The following FIP1L1 variants were observed in gnomAD, a reference collection of about 807,000 sequenced individuals.
FIP1L1 encodes the protein pre-mRNA 3'-end-processing factor FIP1.
In FIP1L1, 21 loss-of-function variants were observed where a neutral mutation model predicts 84.6. That is an observed-to-expected ratio of 0.25 (90% CI 0.18 to 0.36). The LOEUF (loss-of-function observed/expected upper bound fraction) is 0.36, where lower values mean the gene tolerates loss of function less well. FIP1L1 is among the 10% of genes least tolerant of loss of function. The pLI is 1.00. For missense variants in FIP1L1, 526 were observed against 751.1 expected, an observed-to-expected ratio of 0.70 and a Z score of 3.50; for synonymous variants, 263 against 242.3, an observed-to-expected ratio of 1.09 and a Z score of -0.80.
Position 53,451,610 on chromosome 4 carries a change from A to G in FIP1L1, c.1286-1310A>G, listed in dbSNP as rs6819815. 8.7e-3 allele frequency among the ~76,000 whole-genome samples: 1,090 copies of G among 125,302 alleles called. 13 individuals carry two copies. Among genetic ancestry groups the G allele is most frequent in the African/African-American group, 0.031 (1,033 of 33,516 alleles). 82.2% of individuals were successfully genotyped at this position (125,302 alleles called of 152,430 possible). On this transcript the variant is annotated intron_variant, in intron 15 of 17. Transcript: ENST00000337488. ...TTTTTAGTGGTTACTCTTGAAATTT[A>G]TTATTCATACTTAACAATGTGTAGT... is the stretch of plus-strand genomic sequence containing the variant.
chr4:53,420,733 A>G (rs1340257786), intron 11 of FIP1L1, among the ~76,000 whole-genome samples: 1 of 152,198 alleles, frequency 6.6e-6, no homozygotes, highest in Non-Finnish European at 1.5e-5. Context: ...TAGAAACAGT[A>G]CCATTTCAGA....
intron 16 of FIP1L1, 141 bp downstream of exon 16, chr4:53,453,274 A>T: frequency 1.1e-6 from 1 of 881,550 alleles, no homozygotes; most frequent in Non-Finnish European, 1.7e-6. Context: ...AAAATGATAA[A>T]GGATTAGAGG....
chr4:53,443,968 T>A (rs1292298513), intron 14 of FIP1L1, 80 bp from the exon 15 acceptor site: 1 of 904,888 alleles, frequency 1.1e-6, no homozygotes, highest in African/African-American at 1.7e-5. Context: ...AATTTTGCCT[T>A]GTTTTTCCTT....
intron 10 of FIP1L1, among the ~76,000 whole-genome samples, chr4:53,408,995 C>T (rs563888442): frequency 1.4e-4 from 21 of 152,344 alleles, no homozygotes; most frequent in Non-Finnish European, 2.6e-4. Flanking sequence ...TCTCTCAACT[C>T]GTCAAAGGCA....
chr4:53,459,180 A>T (rs1326632623), intron 17 of FIP1L1, 122 bp from the exon 18 acceptor site: 2 of 709,908 alleles, frequency 2.8e-6, no homozygotes, highest in Non-Finnish European at 4.7e-6. Context: ...TATTTATGAG[A>T]AAATGCATTA....
chr4:53,388,509 T>A (rs1742369244), intron 5 of FIP1L1, among the ~76,000 whole-genome samples: 1 of 152,132 alleles, frequency 6.6e-6, no homozygotes, highest in Admixed American at 6.5e-5. Context: ...TAGTTTTTTC[T>A]ATTTTTTAGT....
At chr4:53,421,874 G>A (rs575355829) in intron 11 of FIP1L1, among the ~76,000 whole-genome samples, 62 of 152,212 alleles carry the variant, frequency 4.1e-4, no homozygotes, top group Admixed American at 3.7e-3. Context: ...AATCAGGGAC[G>A]TCCTGATTCT....
At position 53,459,692 on chromosome 4, in the gene FIP1L1, A is replaced by AGTC; in HGVS notation, c.*244_*246dup. The AGTC allele has an allele frequency of 1.9e-6, 1 of 522,424 alleles. No individual in the cohort carries two copies. The highest frequency in any genetic ancestry group is 3.4e-6 in the Non-Finnish European group (1 of 292,584). 32.4% of individuals were successfully genotyped at this position (522,424 alleles called of 1,614,324 possible). A position where few individuals can be genotyped will look rare whatever the true frequency, so the allele number is the denominator to read the frequency against. ...TATATCCAAGAAAGGAATGTGAATG[A>AGTC]GTCACTTAACAGGGAATCTAAAGAG... is the stretch of plus-strand genomic sequence containing the variant. On this transcript the variant is annotated 3_prime_UTR_variant, in exon 18 of 18. Transcript: ENST00000337488.
rs55957570 is a variant in FIP1L1, at chr4:53,437,326, CAAAAAAAAAAAAA to C, written c.1175-5312_1175-5300del. Among the ~76,000 whole-genome samples, 15 of 64,504 alleles carry C rather than the reference CAAAAAAAAAAAAA, an allele frequency of 2.3e-4. No individual in the cohort carries two copies. In the South Asian group the frequency reaches 3.8e-3, roughly 16 times the overall value. 42.3% of individuals were successfully genotyped at this position (64,504 alleles called of 152,430 possible). A position where few individuals can be genotyped will look rare whatever the true frequency, so the allele number is the denominator to read the frequency against. On this transcript the variant is annotated intron_variant, in intron 13 of 17. Transcript: ENST00000337488. ...CAACAGTGTGAGACCCTGTCTCAACCAAAAAAAAAAAAAAAAAAAAAAAAAAAGAGAGAGAAAT... is the reference window on the plus strand; with the variant it reads ...CAACAGTGTGAGACCCTGTCTCAACCAAAAAAAAAAAAAAGAGAGAGAAAT...
At chr4:53,430,413 G>A (rs1285962140) in intron 13 of FIP1L1, among the ~76,000 whole-genome samples, 2 of 145,652 alleles carry the variant, frequency 1.4e-5, no homozygotes, top group African/African-American at 5.2e-5. Context: ...CAGTGGTGCG[G>A]TCTCAGCTCA....
intron 5 of FIP1L1, among the ~76,000 whole-genome samples, chr4:53,388,038 A>G (rs528077877): frequency 3.1e-4 from 47 of 152,214 alleles, no homozygotes; most frequent in Non-Finnish European, 5.7e-4. Flanking sequence ...TATTTGGTCC[A>G]CTTTGTAATT....
Position 53,459,573 on chromosome 4 carries a change from A to G in FIP1L1, c.*124A>G. The G allele has an allele frequency of 7.1e-7, 1 of 1,399,114 alleles. No homozygotes were observed. Among genetic ancestry groups the G allele is most frequent in the East Asian group, 2.3e-5 (1 of 43,232 alleles). The allele number at this position is 1,399,114 out of a possible 1,614,324, so 86.7% of individuals were successfully genotyped here. A position where few individuals can be genotyped will look rare whatever the true frequency, so the allele number is the denominator to read the frequency against. The stretch of plus-strand genomic sequence containing the variant: ...GTTCTGTTTGTTAGTATGAAAAGTT[A>G]ACTTTTTTTCCAAAATAAAAGAGTG... On this transcript the variant is annotated 3_prime_UTR_variant, in exon 18 of 18. Coordinates refer to ENST00000337488, the MANE Select transcript of FIP1L1 (RefSeq NM_030917.4).
chr4:53,396,530 C>T (rs570171732), intron 9 of FIP1L1, among the ~76,000 whole-genome samples: 4 of 152,098 alleles, frequency 2.6e-5, no homozygotes, highest in Admixed American at 2.6e-4. Flanking sequence ...CTCAGCCTCC[C>T]GAGTAGCTGG....
At chr4:53,457,742 TGTTAA>T (rs1449915048) in intron 16 of FIP1L1, among the ~76,000 whole-genome samples, 1 of 152,078 alleles carries the variant, frequency 6.6e-6, no homozygotes, top group African/African-American at 2.4e-5. Context: ...AATTTACTGA[TGTTAA>T]GTTGTAGAAA....
chr4:53,409,298 T>C (rs528788141), intron 10 of FIP1L1, among the ~76,000 whole-genome samples: 109 of 152,360 alleles, frequency 7.2e-4, no homozygotes, highest in South Asian at 1.4e-3. Flanking sequence ...CAGCGGTGGC[T>C]GCAGAACAGC....
chr4:53,399,990 A>G, intron 10 of FIP1L1, 151 bp downstream of exon 10: 2 of 567,152 alleles, frequency 3.5e-6, no homozygotes, highest in Non-Finnish European at 3.1e-6. Context: ...TTCACAAGAA[A>G]CTTCTTGATG....
intron 16 of FIP1L1, among the ~76,000 whole-genome samples, chr4:53,457,851 A>G (rs1720130151): frequency 6.6e-6 from 1 of 152,194 alleles, no homozygotes; most frequent in Non-Finnish European, 1.5e-5. Context: ...TGTCAGTTAA[A>G]GGACATGAAA....
At chr4:53,386,929 C>T (rs1312833507) in intron 5 of FIP1L1, among the ~76,000 whole-genome samples, 2 of 152,120 alleles carry the variant, frequency 1.3e-5, no homozygotes, top group African/African-American at 4.8e-5. Context: ...CTTTACTGGC[C>T]TAACCAGAAA....
At chr4:53,381,684 G>C (rs1222206809) in intron 3 of FIP1L1, among the ~76,000 whole-genome samples, 1 of 147,104 alleles carries the variant, frequency 6.8e-6, no homozygotes, top group Non-Finnish European at 1.5e-5. Flanking sequence ...TTTAAAATGT[G>C]TAAAAAGCTT....
Sources: gnomAD v4.1 joint callset for allele counts (sites outside exome capture counted in the v4.1 genomes callset) on GRCh38, gnomAD v4.1.1 for gene constraint, MANE v1.5 for transcripts, NCBI Gene and HGNC (gene_info 2026-07-23, HGNC 2026-07-21) for gene names.